Variants in PTPRT observed in about 807,000 individuals in gnomAD.
PTPRT encodes the protein receptor-type tyrosine-protein phosphatase T.
Under a neutral mutation model 176.8 loss-of-function variants are expected in PTPRT, and 56 were observed. That is an observed-to-expected ratio of 0.32 (90% CI 0.26 to 0.40). The LOEUF is 0.40. PTPRT is among the 10% of genes least tolerant of loss of function. PTPRT has a pLI of 1.00. For synonymous variants in PTPRT, 783 were observed against 739.0 expected (o/e 1.06, Z -0.96); for missense variants, 1,540 against 1,908.2 (o/e 0.81, Z 3.60).
At chr20:42,856,355 G>A (rs1181188774) in intron 2 of PTPRT, among the ~76,000 whole-genome samples, 1 of 152,112 alleles carries the variant, frequency 6.6e-6, no homozygotes, top group Admixed American at 6.6e-5. Context: ...CAAGTAGAGG[G>A]GGAAAAGTAC....
intron 9 of PTPRT, among the ~76,000 whole-genome samples, chr20:42,397,337 G>A (rs1303500697): frequency 6.6e-6 from 1 of 152,204 alleles, no homozygotes; most frequent in Non-Finnish European, 1.5e-5. Context: ...GGGTACATGT[G>A]CCAGTTTGTT....
chr20:42,237,458 T>C (rs1431724026), intron 14 of PTPRT, among the ~76,000 whole-genome samples: 1 of 152,338 alleles, frequency 6.6e-6, no homozygotes, highest in East Asian at 1.9e-4. Context: ...GGGGGTTCTA[T>C]AGCAGCCACT....
At chr20:42,215,122 G>T (rs2055737740) in intron 15 of PTPRT, among the ~76,000 whole-genome samples, 2 of 152,222 alleles carry the variant, frequency 1.3e-5, no homozygotes, top group African/African-American at 4.8e-5. Context: ...CTTCAAAGCA[G>T]AGTGTGACCA....
downstream of PTPRT, among the ~76,000 whole-genome samples, chr20:42,068,260 C>T (rs1181709586): frequency 6.6e-6 from 1 of 152,158 alleles, no homozygotes; most frequent in Non-Finnish European, 1.5e-5. Flanking sequence ...AGGAAAGGCA[C>T]CATGGACTTC....
At chr20:42,404,661 TCCTAAC>T (rs2058942252) in intron 9 of PTPRT, among the ~76,000 whole-genome samples, 2 of 152,016 alleles carry the variant, frequency 1.3e-5, no homozygotes, top group Admixed American at 1.3e-4. Flanking sequence ...ATAAGAATTC[TCCTAAC>T]CCTAACATTG....
chr20:42,520,840 TGTAGATAGATAG>T (rs1240031591), intron 7 of PTPRT, among the ~76,000 whole-genome samples: 1 of 124,244 alleles, frequency 8.0e-6, no homozygotes, highest in East Asian at 2.3e-4. Context: ...TGGGTGTGTG[TGTAGATAGATAG>T]ATAGATAGAT....
chr20:42,892,444 A>G (rs912960647), intron 1 of PTPRT, among the ~76,000 whole-genome samples: 3 of 152,158 alleles, frequency 2.0e-5, no homozygotes, highest in African/African-American at 7.2e-5. Flanking sequence ...TGATGCTTCC[A>G]GAATAGAAAG....
intron 1 of PTPRT, among the ~76,000 whole-genome samples, chr20:43,024,543 T>A (rs1300166530): frequency 7.9e-5 from 11 of 140,016 alleles, no homozygotes; most frequent in Non-Finnish European, 3.0e-5. Flanking sequence ...TGGGCCAAGA[T>A]CACACCACTT....
At chr20:42,663,670 G>A (rs2075265399) in intron 7 of PTPRT, among the ~76,000 whole-genome samples, 1 of 152,016 alleles carries the variant, frequency 6.6e-6, no homozygotes, top group Non-Finnish European at 1.5e-5. Context: ...GCTGATATGC[G>A]GTCTGTGTAT....
chr20:42,994,070 T>C (rs1984097902), intron 1 of PTPRT, among the ~76,000 whole-genome samples: 1 of 152,212 alleles, frequency 6.6e-6, no homozygotes, highest in Non-Finnish European at 1.5e-5. Flanking sequence ...TGGATTATAA[T>C]TTAAAATATG....
At chr20:42,945,897 A>T (rs1031829080) in intron 1 of PTPRT, among the ~76,000 whole-genome samples, 1 of 152,124 alleles carries the variant, frequency 6.6e-6, no homozygotes, top group African/African-American at 2.4e-5. Context: ...CCCAGCCCTT[A>T]GTAACCAATA....
chr20:42,979,548 AAAC>A (rs1983151661), intron 1 of PTPRT, among the ~76,000 whole-genome samples: 1 of 152,160 alleles, frequency 6.6e-6, no homozygotes, highest in Non-Finnish European at 1.5e-5. Context: ...GTGAAATGTC[AAAC>A]AACTGAAATA....
intron 1 of PTPRT, among the ~76,000 whole-genome samples, chr20:42,909,506 G>T (rs1290143552): frequency 2.6e-5 from 4 of 152,160 alleles, no homozygotes; most frequent in Non-Finnish European, 4.4e-5. Context: ...CCTTGGAAGG[G>T]TAACACAATG....
chr20:42,763,030 C>T (rs1260205949), intron 5 of PTPRT, among the ~76,000 whole-genome samples: 1 of 152,158 alleles, frequency 6.6e-6, no homozygotes, highest in Non-Finnish European at 1.5e-5. Context: ...TGTTCTGTCC[C>T]CAGCACAAGT....
At chr20:42,040,557 CA>C in the PTPRT span, among the ~76,000 whole-genome samples, 1 of 152,086 alleles carries the variant, frequency 6.6e-6, no homozygotes, top group African/African-American at 2.4e-5. Flanking sequence ...ATAGGAATTC[CA>C]TCAGGAATAG....
intron 1 of PTPRT, among the ~76,000 whole-genome samples, chr20:43,137,058 G>A (rs762258418): frequency 9.9e-5 from 15 of 152,062 alleles, no homozygotes; most frequent in Admixed American, 3.3e-4. Flanking sequence ...TTCCATTCCC[G>A]TCTCCTGGTC....
chr20:43,077,886 C>T (rs1460607140), intron 1 of PTPRT, among the ~76,000 whole-genome samples: 1 of 152,162 alleles, frequency 6.6e-6, no homozygotes, highest in Non-Finnish European at 1.5e-5. Flanking sequence ...TAGACCAACC[C>T]TAACTGTCCA....
chr20:42,594,674 T>C (rs1315934635), intron 7 of PTPRT, among the ~76,000 whole-genome samples: 1 of 152,204 alleles, frequency 6.6e-6, no homozygotes, highest in Non-Finnish European at 1.5e-5. Flanking sequence ...GTAGCGTCCC[T>C]AGAATTGAGA....
intron 9 of PTPRT, among the ~76,000 whole-genome samples, chr20:42,433,580 A>G (rs1469270925): frequency 6.6e-6 from 1 of 152,216 alleles, no homozygotes; most frequent in African/African-American, 2.4e-5. Context: ...GGGAGGAGTC[A>G]GGGCACACAC....
Sources: gnomAD v4.1 joint callset for allele counts (sites outside exome capture counted in the v4.1 genomes callset) on GRCh38, gnomAD v4.1.1 for gene constraint, MANE v1.5 for transcripts, NCBI Gene and HGNC (gene_info 2026-07-23, HGNC 2026-07-21) for gene names.